The following DGLUCY variants were observed in gnomAD, a reference collection of about 807,000 sequenced individuals.
DGLUCY encodes D-glutamate cyclase, mitochondrial.
DGLUCY carries 58 observed loss-of-function variants against 58.5 expected under a neutral mutation model. The observed-to-expected ratio is 0.99, with a 90% CI of 0.80 to 1.23. The LOEUF is 1.23. Ranked by LOEUF, DGLUCY falls within the 50% of genes most tolerant of loss-of-function variation. The probability of loss-of-function intolerance (pLI) is 0.00; values close to 1 mark genes in which losing one functional copy is unlikely to be tolerated. For missense variants in DGLUCY, 779 were observed against 784.7 expected (o/e 0.99, Z 0.09); for synonymous variants, 325 against 314.1 (o/e 1.03, Z -0.37).
At chr14:91,220,953 TAAAC>T (rs1162149392) in intron 13 of DGLUCY, among the ~76,000 whole-genome samples, 2 of 152,176 alleles carry the variant, frequency 1.3e-5, no homozygotes, top group Non-Finnish European at 2.9e-5. Context: ...GCTCATGGTA[TAAAC>T]AAACACCAGG....
At chr14:91,198,442 C>A (rs2050353130) in intron 10 of DGLUCY, among the ~76,000 whole-genome samples, 1 of 149,586 alleles carries the variant, frequency 6.7e-6, no homozygotes, top group Non-Finnish European at 1.5e-5. Flanking sequence ...CCTCCTGGGC[C>A]CAGGCGATTC....
rs146878955 is a variant in DGLUCY at position 91,083,273 on chromosome 14, G to C, written c.-82+22569G>C. ...GCAGTGGCTCACGTCTGTAATCCCA[G>C]CACTTTGGGAGGCCAAGGCAAGTGG... is the stretch of plus-strand genomic sequence containing the variant. On this transcript the variant is annotated intron_variant, in intron 1 of 4. Coordinates refer to the DGLUCY transcript ENST00000521334. Among the ~76,000 whole-genome samples the C allele has an allele frequency of 9.5e-4, 145 of 152,290 alleles. 2 individuals carry two copies. Among genetic ancestry groups the C allele is most frequent in the Admixed American group, 4.2e-3 (64 of 15,292 alleles).
intron 1 of DGLUCY, among the ~76,000 whole-genome samples, chr14:91,133,026 G>A (rs1194066149): frequency 6.6e-6 from 1 of 151,738 alleles, no homozygotes; most frequent in Non-Finnish European, 1.5e-5. Context: ...GGGCGCGGTA[G>A]CTCACGCCTG....
chr14:91,178,066 CA>C lies in DGLUCY; in HGVS notation c.730+2011del, dbSNP rs547000988. ...GATCTCACTGCTGTGGGCACCCCAG[CA>C]TGGCATGTTCCAGTCCTTTAGTTCT... On this transcript the variant is annotated intron_variant, in intron 7 of 13. Transcript: ENST00000256324. 7.1e-3 allele frequency among the ~76,000 whole-genome samples: 1,088 copies of C among 152,348 alleles called. 8 individuals carry two copies. Among genetic ancestry groups the C allele is most frequent in the Non-Finnish European group, 0.011 (757 of 68,032 alleles).
upstream of DGLUCY, among the ~76,000 whole-genome samples, chr14:91,106,477 C>T (rs539763987): frequency 1.3e-5 from 2 of 152,098 alleles, no homozygotes; most frequent in South Asian, 2.1e-4. Flanking sequence ...GAGGCCGAGG[C>T]GGGCAGATCA....
chr14:91,064,706 T>C (rs2043793298), intron 1 of DGLUCY, among the ~76,000 whole-genome samples: 1 of 151,976 alleles, frequency 6.6e-6, no homozygotes, highest in Non-Finnish European at 1.5e-5. Flanking sequence ...TGGAGAGTTT[T>C]GTATCTTGGA....
At chr14:91,154,770 AG>A (rs1329383949) in intron 1 of DGLUCY, among the ~76,000 whole-genome samples, 3 of 152,116 alleles carry the variant, frequency 2.0e-5, no homozygotes, top group African/African-American at 7.2e-5. Context: ...CAGCCCTACT[AG>A]CTTCCTAAAA....
intron 1 of DGLUCY, among the ~76,000 whole-genome samples, chr14:91,066,964 C>T (rs1251982604): frequency 6.6e-6 from 1 of 150,996 alleles, no homozygotes; most frequent in Non-Finnish European, 1.5e-5. Context: ...GCCAGTAGTC[C>T]CAGCTACTTG....
intron 12 of DGLUCY, among the ~76,000 whole-genome samples, chr14:91,210,566 A>C (rs1256115668): frequency 6.6e-6 from 1 of 152,152 alleles, no homozygotes; most frequent in Non-Finnish European, 1.5e-5. Flanking sequence ...TTAATAAAAA[A>C]TAAAAATCAA....
chr14:91,167,339 A>T lies in DGLUCY; in HGVS notation c.218A>T (p.Lys73Met). The T allele has an allele frequency of 6.2e-7, 1 of 1,614,054 alleles. No individual in the cohort carries two copies. Residue 73 changes from lysine (K) to methionine (M), a missense_variant, in exon 4 of 14, where the codon AAG (lysine) becomes ATG (methionine). Coordinates refer to ENST00000256324, the MANE Select transcript of DGLUCY (RefSeq NM_001102368.3). ...LPLLGQSEPE[K>M]WMLPPQGAIS... ...CTGCTGGGCCAGAGTGAGCCAGAAA[A>T]GTGGATGCTGCCCCCTCAAGGTGCT...
chr14:91,098,875 T>C (rs930529437), intron 1 of DGLUCY, among the ~76,000 whole-genome samples: 3 of 152,244 alleles, frequency 2.0e-5, no homozygotes, highest in African/African-American at 7.2e-5. Flanking sequence ...CAACAGTTAA[T>C]GAATGCTTAG....
chr14:91,100,072 A>AG lies in DGLUCY; in HGVS notation c.-82+39368_-82+39369insG, dbSNP rs1428297028. On this transcript the variant is annotated intron_variant, in intron 1 of 4. Transcript: ENST00000521334. The stretch of plus-strand genomic sequence containing the variant: ...CTCTGTCTCAAAAAAAAAAAAAAAA[A>AG]AAAGAAGAAGAAGAAAAGAAAAGAA... Among the ~76,000 whole-genome samples, 3 of 149,184 alleles carry AG rather than the reference A, an allele frequency of 2.0e-5. No homozygotes were observed. In the East Asian group the frequency reaches 5.8e-4, roughly 29 times the overall value.
At chr14:91,194,341 A>T (rs955564002) in intron 9 of DGLUCY, among the ~76,000 whole-genome samples, 3 of 152,054 alleles carry the variant, frequency 2.0e-5, no homozygotes, top group Admixed American at 6.6e-5. Context: ...CCAGATTGGC[A>T]GGCTGCCCCT....
At chr14:91,142,801 TA>T (rs772723692) in intron 1 of DGLUCY, among the ~76,000 whole-genome samples, 9 of 56,384 alleles carry the variant, frequency 1.6e-4, no homozygotes, top group African/African-American at 4.7e-4. Flanking sequence ...CCATCTCTAC[TA>T]AACACACACA....
intron 12 of DGLUCY, among the ~76,000 whole-genome samples, chr14:91,208,771 C>G (rs902524862): frequency 7.9e-5 from 12 of 152,094 alleles, no homozygotes; most frequent in African/African-American, 2.9e-4. Context: ...ATAAGTGACA[C>G]AAATGACAGC....
At chr14:91,074,114 T>TACACACACACACACAC (rs1326685656) in intron 1 of DGLUCY, among the ~76,000 whole-genome samples, 31 of 64,502 alleles carry the variant, frequency 4.8e-4, no homozygotes, top group Non-Finnish European at 8.7e-4. Context: ...AATATATATA[T>TACACACACACACACAC]ATATACACAC....
chr14:91,087,946 C>G (rs1481363821), intron 1 of DGLUCY, among the ~76,000 whole-genome samples: 2 of 152,148 alleles, frequency 1.3e-5, no homozygotes, highest in Non-Finnish European at 2.9e-5. Context: ...GACCTGTAGC[C>G]AGCTACAATG....
intron 9 of DGLUCY, among the ~76,000 whole-genome samples, chr14:91,194,162 T>G (rs934238792): frequency 6.6e-6 from 1 of 152,198 alleles, no homozygotes. Context: ...GCCAGGTAGT[T>G]AGCACACAGC....
At chr14:91,173,225 G>A (rs1163734848) in intron 5 of DGLUCY, 64 bp from the exon 6 acceptor site, 4 of 1,580,232 alleles carry the variant, frequency 2.5e-6, no homozygotes, top group African/African-American at 1.4e-5. Context: ...GGTGCTCAGA[G>A]CTTGGATCTG....
Sources: allele counts gnomAD v4.1 joint callset (sites outside exome capture counted in the v4.1 genomes callset), GRCh38; gene constraint gnomAD v4.1.1; transcripts MANE v1.5; gene names NCBI Gene and HGNC (gene_info 2026-07-23, HGNC 2026-07-21).